IL17REL: variants seen among roughly 807,000 people sequenced by gnomAD.
IL17REL encodes interleukin 17 receptor E like, also known as interleukin-17 receptor E-like protein.
Under a neutral mutation model 49.0 loss-of-function variants are expected in IL17REL, and 36 were observed. That is an observed-to-expected ratio of 0.73 (90% CI 0.56 to 0.97). The LOEUF (loss-of-function observed/expected upper bound fraction) is 0.97. Among genes scored for constraint, IL17REL ranks in the 50% least tolerant of loss-of-function variants. The pLI, the probability that IL17REL is intolerant of heterozygous loss-of-function variation, is 0.00. For synonymous variants in IL17REL, 206 were observed against 192.4 expected (o/e 1.07, Z -0.58); for missense variants, 470 against 453.9 (o/e 1.04, Z -0.32).
upstream of IL17REL, among the ~76,000 whole-genome samples, chr22:50,010,444 A>G (rs1197382350): frequency 2.0e-5 from 3 of 152,350 alleles, no homozygotes; most frequent in Admixed American, 6.5e-5. Flanking sequence ...GGGGAGGCCC[A>G]GTGAGGCCGC....
Position 49,999,738 on chromosome 22 carries a change from G to T in IL17REL, c.474+90C>A. 2 of 679,944 alleles carry T rather than the reference G, an allele frequency of 2.9e-6. 1 individual carries two copies. Among genetic ancestry groups the T allele is most frequent in the Non-Finnish European group, 3.7e-6 (2 of 535,794 alleles). The allele number at this position is 679,944 out of a possible 1,614,324, so 42.1% of individuals were successfully genotyped here. A position where few individuals can be genotyped will look rare whatever the true frequency, so the allele number is the denominator to read the frequency against. On this transcript the variant is annotated intron_variant, in intron 5 of 12. Transcript: ENST00000341280. Reference sequence around the variant, plus strand: ...GGGCGCGGGGGGTGGGCGGGGCGCGGGGTGGGCGGGGCCTAAGGCTGACCG... The same window carrying T: ...GGGCGCGGGGGGTGGGCGGGGCGCGTGGTGGGCGGGGCCTAAGGCTGACCG...
chr22:49,997,261 G>A, intron 11 of IL17REL, 59 bp downstream of exon 13: 4 of 1,538,374 alleles, frequency 2.6e-6, no homozygotes, highest in South Asian at 2.3e-5. Context: ...GGGAAGTGAT[G>A]GGGTCCTGCC....
chr22:49,999,357 G>T lies in IL17REL; in HGVS notation c.547-12C>A. 1 of 1,612,896 alleles carries T rather than the reference G, an allele frequency of 6.2e-7. No individual in the cohort carries two copies. The highest frequency in any genetic ancestry group is 8.5e-7 in the Non-Finnish European group (1 of 1,179,990). On this transcript the variant is annotated splice_polypyrimidine_tract_variant and intron_variant, in intron 6 of 12. Transcript: ENST00000341280. ...GTCGCAGACCAGCCCTGTGGGAGGGGCTGGGGTCAGCGCAGCCCACCCATC... is the reference window on the plus strand; with the variant it reads ...GTCGCAGACCAGCCCTGTGGGAGGGTCTGGGGTCAGCGCAGCCCACCCATC...
intron 10 of IL17REL, 91 bp from the exon 13 acceptor site, chr22:49,997,574 C>A (rs2061044615): frequency 7.2e-7 from 1 of 1,389,168 alleles, no homozygotes; most frequent in African/African-American, 1.4e-5. Context: ...GCCCACTGTA[C>A]CTCCCCCACA....
At chr22:50,012,292 TC>T (rs2061145707), upstream of IL17REL, among the ~76,000 whole-genome samples, 1 of 152,192 alleles carries the variant, frequency 6.6e-6, no homozygotes. Flanking sequence ...TAACACAGCC[TC>T]CTTGGAGGTC....
intron 5 of IL17REL, 29 bp downstream of exon 7, chr22:49,999,799 T>TGACCGGG: frequency 6.8e-7 from 1 of 1,474,118 alleles, no homozygotes; most frequent in Non-Finnish European, 9.0e-7. Flanking sequence ...GGCCTAAGGC[T>TGACCGGG]GACCGGGGCC....
chr22:50,009,394 G>A (rs902783658), upstream of IL17REL, among the ~76,000 whole-genome samples: 2 of 152,182 alleles, frequency 1.3e-5, no homozygotes, highest in South Asian at 2.1e-4. Context: ...CAGGCTGCTC[G>A]CAGACAGCCT....
rs535614515 is a variant in IL17REL at position 50,005,944 on chromosome 22, A to G, written c.-42+2693T>C. 2.2e-4 allele frequency among the ~76,000 whole-genome samples: 33 copies of G among 152,200 alleles called. 1 individual carries two copies. The South Asian group carries it at 6.6e-3, about 31-fold the overall frequency. On this transcript the variant is annotated intron_variant, in intron 1 of 12. Coordinates refer to ENST00000341280, the Ensembl canonical transcript of IL17REL. ...AAAAGTACCAATTGGGCTGGAGAAA[A>G]AAACATATGTTTTTTTAAAAACCTT...
intron 1 of IL17REL, among the ~76,000 whole-genome samples, chr22:50,006,668 T>C (rs1000240144): frequency 2.0e-5 from 3 of 151,944 alleles, no homozygotes; most frequent in African/African-American, 4.8e-5. Context: ...TAAGAGCAGA[T>C]TGGGGCCGGG....
chr22:50,000,539 G>A, exon 4 of IL17REL: 2 of 1,613,642 alleles, frequency 1.2e-6, no homozygotes, highest in Admixed American at 1.7e-5. Context: ...TCCTCAGGGT[G>A]ACATAGAGGT....
chr22:50,006,895 C>T (rs942921658), intron 1 of IL17REL, among the ~76,000 whole-genome samples: 2 of 142,338 alleles, frequency 1.4e-5, no homozygotes, highest in Non-Finnish European at 3.0e-5. Context: ...GCAGAGGTTG[C>T]AGTGAGCCAA....
chr22:49,999,269 G>A (rs2061058818), intron 7 of IL17REL, 22 bp downstream of exon 9: 2 of 1,612,666 alleles, frequency 1.2e-6, no homozygotes, highest in African/African-American at 2.7e-5. Flanking sequence ...CCTTCCGCCC[G>A]TTGGCATCGC....
chr22:50,006,692 G>A (rs1008806012), intron 1 of IL17REL, among the ~76,000 whole-genome samples: 1 of 152,058 alleles, frequency 6.6e-6, no homozygotes, highest in Non-Finnish European at 1.5e-5. Flanking sequence ...AGTGGCTCAC[G>A]CCTGTAATCC....
rs370189074 is a variant in IL17REL at position 49,997,106 on chromosome 22, G to A, written c.975-32C>T. The A allele has an allele frequency of 1.9e-6, 3 of 1,565,632 alleles. No homozygotes were observed. In the African/African-American group the frequency reaches 4.1e-5, roughly 21 times the overall value. The stretch of plus-strand genomic sequence containing the variant: ...GGGGGAGGGCAGGTCACAGGCAATG[G>A]GAGGAAGGGTGGATCAGGCTAAACA... On this transcript the variant is annotated intron_variant, in intron 11 of 12. Coordinates refer to ENST00000341280, the Ensembl canonical transcript of IL17REL.
chr22:49,999,538 G>A (rs781329347), intron 5 of IL17REL, 36 bp from the exon 8 acceptor site: 5 of 1,537,802 alleles, frequency 3.3e-6, no homozygotes, highest in African/African-American at 2.7e-5. Context: ...GGGCCGCGCG[G>A]GAGGGCGGGG....
chr22:49,997,345 T>C (rs2061042378), exon 11 of IL17REL: 1 of 1,613,766 alleles, frequency 6.2e-7, no homozygotes, highest in Admixed American at 1.7e-5. Flanking sequence ...CGGGCTGGCC[T>C]GGAGTGTGCG....
chr22:49,997,470 G>A, intron 10 of IL17REL: 3 of 1,549,114 alleles, frequency 1.9e-6, no homozygotes, highest in African/African-American at 2.7e-5. Flanking sequence ...AAGGCTGGAT[G>A]GTCATTTTCC....
chr22:49,998,257 G>A (rs777200104), exon 8 of IL17REL: 81 of 1,612,296 alleles, frequency 5.0e-5, no homozygotes, highest in Non-Finnish European at 6.6e-5. Context: ...TCAGTGTCTG[G>A]CTCTCCGGGT....
At chr22:49,994,052 G>A (rs1330838578), downstream of IL17REL, among the ~76,000 whole-genome samples, 1 of 149,588 alleles carries the variant, frequency 6.7e-6, no homozygotes, top group Non-Finnish European at 1.5e-5. Context: ...TGGGTGAGTG[G>A]CAGCCTGTAT....
Sources: gnomAD v4.1 joint callset for allele counts (sites outside exome capture counted in the v4.1 genomes callset) on GRCh38, gnomAD v4.1.1 for gene constraint, MANE v1.5 for transcripts, NCBI Gene and HGNC (gene_info 2026-07-23, HGNC 2026-07-21) for gene names.